Variants in SETD7 observed in about 807,000 individuals in gnomAD.
SETD7 encodes the protein SET domain containing 7, histone lysine methyltransferase, also known as histone-lysine N-methyltransferase SETD7.
In SETD7, 16 loss-of-function variants were observed where a neutral mutation model predicts 41.8. That is an observed-to-expected ratio of 0.38 (90% CI 0.26 to 0.58). The LOEUF is 0.58. Among genes scored for constraint, SETD7 ranks in the 20% least tolerant of loss-of-function variants. The pLI is 0.64. For synonymous variants in SETD7, 163 were observed against 169.7 expected, an observed-to-expected ratio of 0.96 and a Z score of 0.31; for missense variants, 346 against 459.7, an observed-to-expected ratio of 0.75 and a Z score of 2.26.
At chr4:139,515,665 C>T (rs552019588) in intron 7 of SETD7, among the ~76,000 whole-genome samples, 15 of 152,302 alleles carry the variant, frequency 9.8e-5, no homozygotes, top group Admixed American at 5.9e-4. Context: ...CATTTCTACC[C>T]GTCCTTTAAA....
intron 2 of SETD7, 26 bp from the exon 3 acceptor site, chr4:139,533,392 G>C: frequency 6.3e-7 from 1 of 1,585,038 alleles, no homozygotes. Flanking sequence ...AAACAAAAAG[G>C]AATAGTCAGA....
intron 2 of SETD7, 51 bp downstream of exon 2, chr4:139,546,869 C>T: frequency 6.2e-7 from 1 of 1,612,124 alleles, no homozygotes; most frequent in Non-Finnish European, 8.5e-7. Flanking sequence ...TAGTCCTTAA[C>T]ATAAAATAAT....
At chr4:139,525,723 C>T (rs1383228102) in intron 4 of SETD7, among the ~76,000 whole-genome samples, 5 of 152,138 alleles carry the variant, frequency 3.3e-5, no homozygotes, top group African/African-American at 4.8e-5. Context: ...TTCTCTCCTT[C>T]CCCAACCATT....
downstream of SETD7, among the ~76,000 whole-genome samples, chr4:139,495,406 T>C (rs751193655): frequency 6.6e-6 from 1 of 152,220 alleles, no homozygotes; most frequent in Non-Finnish European, 1.5e-5. Context: ...TGTTAGTCCA[T>C]TTCCACACTG....
intron 1 of SETD7, 84 bp downstream of exon 1, chr4:139,556,014 C>A (rs1325916173): frequency 5.0e-6 from 7 of 1,393,778 alleles, no homozygotes; most frequent in South Asian, 1.4e-5. Context: ...CGGGGCCCGG[C>A]GCCGCGCTGT....
intron 7 of SETD7, among the ~76,000 whole-genome samples, chr4:139,517,234 G>A (rs2091558005): frequency 6.6e-6 from 1 of 152,110 alleles, no homozygotes; most frequent in Non-Finnish European, 1.5e-5. Flanking sequence ...CAACACTTTG[G>A]GAGGCCGAGG....
In SETD7 at chr4:139,556,148, G is replaced by GACACTGCCCAGCTCGGGGCTGCGC; in HGVS notation, c.-35_-12dup. 2 of 1,595,772 alleles carry GACACTGCCCAGCTCGGGGCTGCGC rather than the reference G, an allele frequency of 1.3e-6. No individual in the cohort carries two copies. ...GTCGTCGCTATCCATGGCGGCTGGG[G>GACACTGCCCAGCTCGGGGCTGCGC]ACACTGCCCAGCTCGGGGCTGCGCG... On this transcript the variant is annotated 5_prime_UTR_variant, in exon 1 of 8. Coordinates refer to ENST00000274031, the MANE Select transcript of SETD7 (RefSeq NM_030648.4).
downstream of SETD7, among the ~76,000 whole-genome samples, chr4:139,504,415 C>CA (rs1726655930): frequency 1.3e-5 from 2 of 152,154 alleles, no homozygotes; most frequent in African/African-American, 4.8e-5. Flanking sequence ...TGCAAGGTAA[C>CA]AGTCATTTTC....
At chr4:139,547,503 T>A (rs899685408) in intron 1 of SETD7, among the ~76,000 whole-genome samples, 6 of 152,240 alleles carry the variant, frequency 3.9e-5, no homozygotes, top group African/African-American at 1.4e-4. Context: ...TACACAGTCT[T>A]TGGAATAAAT....
chr4:139,556,092 T>C lies in SETD7; in HGVS notation c.40+6A>G. ...TCCTCCCCCGGCCCCGGAGAAATGCTTGTACCTTCCACCGCCTCCTCCACC... is the reference window on the plus strand; with the variant it reads ...TCCTCCCCCGGCCCCGGAGAAATGCCTGTACCTTCCACCGCCTCCTCCACC... On this transcript the variant is annotated splice_donor_region_variant and intron_variant, in intron 1 of 7. Coordinates refer to ENST00000274031, the MANE Select transcript of SETD7 (RefSeq NM_030648.4). 2 of 1,601,026 alleles carry C rather than the reference T, an allele frequency of 1.2e-6. No individual in the cohort carries two copies. The highest frequency in any genetic ancestry group is 1.7e-6 in the Non-Finnish European group (2 of 1,174,650).
rs570475310 is a variant in SETD7 at position 139,511,275 on chromosome 4, T to G, written c.*388A>C. The G allele has an allele frequency of 4.0e-6, 1 of 251,008 alleles. No individual in the cohort carries two copies. Among genetic ancestry groups the G allele is most frequent in the Non-Finnish European group, 7.7e-6 (1 of 130,116 alleles). The allele number at this position is 251,008 out of a possible 1,614,324, so 15.5% of individuals were successfully genotyped here. On this transcript the variant is annotated 3_prime_UTR_variant, in exon 8 of 8. Coordinates refer to ENST00000274031, the MANE Select transcript of SETD7 (RefSeq NM_030648.4). ...ACATATGCAAGTGTGCTAACACAAT[T>G]TGCACTGGCCATAGGAAAAAAGCAC...
intron 4 of SETD7, 50 bp from the exon 5 acceptor site, chr4:139,523,485 A>T: frequency 7.6e-7 from 1 of 1,308,284 alleles, no homozygotes; most frequent in Non-Finnish European, 1.1e-6. Context: ...AGGGAAGAGC[A>T]TTTATAACAC....
At chr4:139,530,881 T>G (rs1353741184) in intron 3 of SETD7, among the ~76,000 whole-genome samples, 1 of 152,226 alleles carries the variant, frequency 6.6e-6, no homozygotes, top group Non-Finnish European at 1.5e-5. Context: ...AGCTTACAAG[T>G]GTGGACTGTA....
chr4:139,500,799 G>T (rs1025176085), intron 7 of SETD7, among the ~76,000 whole-genome samples: 2 of 152,128 alleles, frequency 1.3e-5, no homozygotes, highest in Admixed American at 1.3e-4. Flanking sequence ...ATAAGCCACC[G>T]TGACTGGCTG....
At chr4:139,547,401 G>A (rs928735565) in intron 1 of SETD7, among the ~76,000 whole-genome samples, 2 of 152,118 alleles carry the variant, frequency 1.3e-5, no homozygotes, top group African/African-American at 4.8e-5. Flanking sequence ...GTACTCTCCC[G>A]AGAGTCCTCA....
chr4:139,493,183 G>C (rs1726383822), downstream of SETD7, among the ~76,000 whole-genome samples: 1 of 152,194 alleles, frequency 6.6e-6, no homozygotes, highest in African/African-American at 2.4e-5. Context: ...AACAATTTGG[G>C]TGGTAAGACA....
At chr4:139,549,512 A>ATTCCTTCCTTCCTTCCTTCCT (rs144848460) in intron 1 of SETD7, among the ~76,000 whole-genome samples, 2 of 149,792 alleles carry the variant, frequency 1.3e-5, no homozygotes, top group Non-Finnish European at 3.0e-5. Context: ...ATGAAGAATT[A>ATTCCTTCCTTCCTTCCTTCCT]TTCCTTCCTT....
rs557135106 is a variant in SETD7 at position 139,532,702 on chromosome 4, A to G, written c.372+463T>C. The G allele has an allele frequency of 5.3e-4, 92 of 174,660 alleles. 1 individual carries two copies. Among genetic ancestry groups the G allele is most frequent in the South Asian group, 4.8e-3 (33 of 6,936 alleles). 10.8% of individuals were successfully genotyped at this position (174,660 alleles called of 1,614,324 possible). ...ATATAAACCATAAAATACCTTAAAA[A>G]GCAGTTAGTGGAATTGTAGAATCAA... On this transcript the variant is annotated intron_variant, in intron 3 of 7. Transcript: ENST00000274031.
downstream of SETD7, among the ~76,000 whole-genome samples, chr4:139,503,709 G>T (rs1726633886): frequency 6.6e-6 from 1 of 151,658 alleles, no homozygotes; most frequent in Non-Finnish European, 1.5e-5. Flanking sequence ...CTTCTTCTCT[G>T]AGGAAAATAA....
Sources: allele counts gnomAD v4.1 joint callset (sites outside exome capture counted in the v4.1 genomes callset), GRCh38; gene constraint gnomAD v4.1.1; transcripts MANE v1.5; gene names NCBI Gene and HGNC (gene_info 2026-07-23, HGNC 2026-07-21).